Variants in GYPB observed in about 807,000 individuals in gnomAD.
GYPB encodes the protein glycophorin B (MNS blood group).
GYPB carries 13 observed loss-of-function variants against 15.3 expected under a neutral mutation model. The ratio of observed to expected loss-of-function variants is 0.85; its 90% CI spans 0.55 to 1.35. The LOEUF (loss-of-function observed/expected upper bound fraction) is 1.35, where lower values mean the gene tolerates loss of function less well. GYPB is among the 40% of genes most tolerant of loss of function. The probability of loss-of-function intolerance (pLI) is 0.00; values close to 1 mark genes in which losing one functional copy is unlikely to be tolerated. For synonymous variants in GYPB, 38 were observed against 36.9 expected, an observed-to-expected ratio of 1.03 and a Z score of -0.11; for missense variants, 131 against 108.3, an observed-to-expected ratio of 1.21 and a Z score of -0.93.
Position 144,017,789 on chromosome 4 carries a change from T to C in GYPB, c.37+1462A>G, listed in dbSNP as rs1156905431. Among the ~76,000 whole-genome samples the C allele has an allele frequency of 1.3e-5, 2 of 151,298 alleles. 1 individual carries two copies. The highest frequency in any genetic ancestry group is 4.9e-5 in the African/African-American group (2 of 40,650). Reference sequence around the variant, plus strand: ...ATGGAGCAACACAAAGAATACATCTTTTTTTCTGTGTAATAGCACTTCAAA... The same window carrying C: ...ATGGAGCAACACAAAGAATACATCTCTTTTTCTGTGTAATAGCACTTCAAA... On this transcript the variant is annotated intron_variant, in intron 1 of 4. Coordinates refer to ENST00000502664, the MANE Select transcript of GYPB (RefSeq NM_002100.6).
At chr4:144,018,415 TACTTGCGCTC>T (rs1470206980) in intron 1 of GYPB, among the ~76,000 whole-genome samples, 1 of 151,134 alleles carries the variant, frequency 6.6e-6, no homozygotes, top group African/African-American at 2.5e-5. Flanking sequence ...AGATCCTTGA[TACTTGCGCTC>T]ACTTGGGTTA....
rs753253216 is a variant in GYPB at position 144,019,326 on chromosome 4, A to C, written c.-39T>G. 24 of 1,611,602 alleles carry C rather than the reference A, an allele frequency of 1.5e-5. No homozygotes were observed. Among genetic ancestry groups the C allele is most frequent in the Non-Finnish European group, 2.0e-5 (24 of 1,179,370 alleles). The stretch of plus-strand genomic sequence containing the variant: ...GCTGGTTCCTGAAGTTAGTGCAAAA[A>C]AACTACCAAAGACAACTGCAAGTGT... On this transcript the variant is annotated 5_prime_UTR_variant, in exon 1 of 5. Transcript: ENST00000502664.
intron 3 of GYPB, among the ~76,000 whole-genome samples, chr4:143,999,083 A>AT (rs1727475278): frequency 6.6e-6 from 1 of 150,948 alleles, no homozygotes; most frequent in African/African-American, 2.5e-5. Flanking sequence ...TAATTTTTGT[A>AT]TTTTTTGTAG....
chr4:144,003,015 T>C (rs1727707222), intron 1 of GYPB, among the ~76,000 whole-genome samples: 1 of 151,438 alleles, frequency 6.6e-6, no homozygotes, highest in Admixed American at 6.5e-5. Context: ...TCAGGTATAA[T>C]GGCTTTTAAG....
intron 2 of GYPB, chr4:144,000,034 G>C (rs1408108548): frequency 1.1e-5 from 2 of 187,854 alleles, no homozygotes; most frequent in African/African-American, 4.8e-5. Context: ...TCCTACTTTT[G>C]TCTCTGTCTC....
At chr4:144,009,247 C>T (rs545530732) in intron 1 of GYPB, among the ~76,000 whole-genome samples, 10 of 151,396 alleles carry the variant, frequency 6.6e-5, no homozygotes, top group South Asian at 6.2e-4. Flanking sequence ...TTCCCATCTC[C>T]ACCTGGCAGC....
At chr4:144,011,335 G>A (rs533089958) in intron 1 of GYPB, among the ~76,000 whole-genome samples, 32 of 151,316 alleles carry the variant, frequency 2.1e-4, no homozygotes, top group Admixed American at 9.2e-4. Context: ...AGCCGAGATC[G>A]TGCCACTGCA....
chr4:144,019,120 A>C (rs1728654295), intron 1 of GYPB, 131 bp downstream of exon 1: 2 of 1,429,878 alleles, frequency 1.4e-6, no homozygotes, highest in African/African-American at 3.0e-5. Context: ...AAATCCATCC[A>C]CCAGACTGGA....
At chr4:144,000,817 C>T (rs1446677979) in intron 2 of GYPB, among the ~76,000 whole-genome samples, 1 of 151,224 alleles carries the variant, frequency 6.6e-6, no homozygotes, top group Non-Finnish European at 1.5e-5. Context: ...GGGCAACTCA[C>T]CCTGGGTCAG....
At chr4:144,009,601 C>CTTTTT (rs55807150) in intron 1 of GYPB, among the ~76,000 whole-genome samples, 32 of 57,776 alleles carry the variant, frequency 5.5e-4, no homozygotes, top group Middle Eastern at 0.017. Flanking sequence ...TTTTTTCTTT[C>CTTTTT]TTTTTTTTTT....
chr4:144,014,700 G>T (rs1162039297), intron 1 of GYPB, among the ~76,000 whole-genome samples: 1 of 151,336 alleles, frequency 6.6e-6, no homozygotes, highest in East Asian at 1.9e-4. Context: ...ACTAGATAAT[G>T]GTGATGGGTG....
intron 1 of GYPB, among the ~76,000 whole-genome samples, chr4:144,015,255 C>A (rs1728429721): frequency 6.6e-6 from 1 of 151,298 alleles, no homozygotes; most frequent in African/African-American, 2.5e-5. Flanking sequence ...ACAATCCCAA[C>A]ACTCAGAGAT....
Position 144,013,777 on chromosome 4 carries a change from G to T in GYPB, c.37+5474C>A, listed in dbSNP as rs570051764. On this transcript the variant is annotated intron_variant, in intron 1 of 4. Transcript: ENST00000502664. ...CACTCTGGGGACTGCTGTGGGGTTGGGGGGGAGGGGGAAGGGATAGCATCG... is the reference window on the plus strand; with the variant it reads ...CACTCTGGGGACTGCTGTGGGGTTGTGGGGGAGGGGGAAGGGATAGCATCG... Among the ~76,000 whole-genome samples the T allele has an allele frequency of 2.6e-4, 39 of 150,678 alleles. 3 individuals are homozygous for T. The highest frequency in any genetic ancestry group is 8.4e-4 in the South Asian group (4 of 4,788).
chr4:144,006,484 T>G (rs1358093064), intron 1 of GYPB, among the ~76,000 whole-genome samples: 2 of 151,978 alleles, frequency 1.3e-5, no homozygotes, highest in Non-Finnish European at 2.9e-5. Context: ...ACCACTCAGC[T>G]TTCCCAAATA....
At chr4:144,006,201 G>A (rs1727906899) in intron 1 of GYPB, among the ~76,000 whole-genome samples, 1 of 151,944 alleles carries the variant, frequency 6.6e-6, no homozygotes, top group Non-Finnish European at 1.5e-5. Context: ...TTTGAGAAGG[G>A]TGGAATGAAT....
intron 1 of GYPB, chr4:144,008,482 G>C: frequency 2.2e-6 from 1 of 455,242 alleles, no homozygotes; most frequent in Non-Finnish European, 4.4e-6. Flanking sequence ...CGGAAGAGAA[G>C]ATGGTTCTGG....
rs554142083 is a variant in GYPB at position 144,016,596 on chromosome 4, C to A, written c.37+2655G>T. Among the ~76,000 whole-genome samples the A allele has an allele frequency of 4.6e-5, 7 of 151,318 alleles. No homozygotes were observed. The South Asian group carries it at 1.5e-3, about 31-fold the overall frequency. On this transcript the variant is annotated intron_variant, in intron 1 of 4. Transcript: ENST00000502664. ...TGATATCATACCAGTCCCTTTGTTT[C>A]CTCCCATTAAATTAGTATGTTATGA...
At chr4:144,006,952 C>G (rs1727950944) in intron 1 of GYPB, among the ~76,000 whole-genome samples, 1 of 150,896 alleles carries the variant, frequency 6.6e-6, no homozygotes, top group Non-Finnish European at 1.5e-5. Flanking sequence ...CTTGCCTGTG[C>G]TAAAAGATGT....
chr4:144,014,859 A>T lies in GYPB; in HGVS notation c.37+4392T>A, dbSNP rs143285239. Reference sequence around the variant, plus strand: ...AAGTGCATGGCACAAAGTAAGTGCTATATCAGTGTTGGTTATTATTATTCA... The same window carrying T: ...AAGTGCATGGCACAAAGTAAGTGCTTTATCAGTGTTGGTTATTATTATTCA... On this transcript the variant is annotated intron_variant, in intron 1 of 4. Coordinates refer to ENST00000502664, the MANE Select transcript of GYPB (RefSeq NM_002100.6). Among the ~76,000 whole-genome samples, 160 of 151,668 alleles carry T rather than the reference A, an allele frequency of 1.1e-3. 5 individuals are homozygous for T. The highest frequency in any genetic ancestry group is 3.7e-3 in the African/African-American group (150 of 40,940).
Sources: allele counts gnomAD v4.1 joint callset (sites outside exome capture counted in the v4.1 genomes callset), GRCh38; gene constraint gnomAD v4.1.1; transcripts MANE v1.5; gene names NCBI Gene and HGNC (gene_info 2026-07-23, HGNC 2026-07-21).